Variants in MIR2052HG observed in about 807,000 individuals in gnomAD.
MIR2052HG encodes MIR2052 host gene.
chr8:74,751,724 G>C (rs1383680963), intron 4 of MIR2052HG, among the ~76,000 whole-genome samples: 2 of 152,192 alleles, frequency 1.3e-5, no homozygotes, highest in South Asian at 4.1e-4. Flanking sequence ...AAAATGAACT[G>C]TAAGAACTTG....
chr8:74,602,855 TTCTTTCTTTC>T (rs1808034570), intron 1 of MIR2052HG, among the ~76,000 whole-genome samples: 1 of 144,818 alleles, frequency 6.9e-6, no homozygotes, highest in African/African-American at 2.6e-5. Flanking sequence ...CTTTCTTTCT[TTCTTTCTTTC>T]TTTCTTTCTT....
At chr8:74,752,491 C>T (rs1467657631) in exon 5 of MIR2052HG, 1 of 456,112 alleles carries the variant, frequency 2.2e-6, no homozygotes, top group Admixed American at 2.3e-5. Flanking sequence ...AACTCATTAA[C>T]TTTGGAGAGG....
chr8:74,733,049 CATTT>C (rs71565409), intron 4 of MIR2052HG, among the ~76,000 whole-genome samples: 15,558 of 148,868 alleles, frequency 0.1, 1,754 homozygotes, highest in African/African-American at 0.29. Context: ...AATTAGGAGA[CATTT>C]ATTTATTTAT....
At chr8:74,633,625 G>A (rs1249276213) in intron 2 of MIR2052HG, among the ~76,000 whole-genome samples, 1 of 152,142 alleles carries the variant, frequency 6.6e-6, no homozygotes, top group African/African-American at 2.4e-5. Flanking sequence ...CGTTTCCTAG[G>A]CTCAATGTAC....
At chr8:74,734,793 G>A (rs1188801801) in intron 4 of MIR2052HG, among the ~76,000 whole-genome samples, 4 of 152,228 alleles carry the variant, frequency 2.6e-5, no homozygotes, top group African/African-American at 9.6e-5. Context: ...AAGGATGCCA[G>A]ATGACTGATT....
exon 4 of MIR2052HG, chr8:74,703,680 G>A (rs1247416067): frequency 2.2e-6 from 1 of 451,368 alleles, no homozygotes; most frequent in South Asian, 1.6e-5. Flanking sequence ...TTTTTCATCA[G>A]GGGTGAGTAG....
chr8:74,628,335 A>C (rs1808463564), intron 2 of MIR2052HG, among the ~76,000 whole-genome samples: 1 of 152,158 alleles, frequency 6.6e-6, no homozygotes, highest in African/African-American at 2.4e-5. Context: ...AAACATAACT[A>C]CCTCGAGAAA....
intron 4 of MIR2052HG, among the ~76,000 whole-genome samples, chr8:74,707,728 T>C (rs1311154005): frequency 6.6e-6 from 1 of 152,108 alleles, no homozygotes; most frequent in Admixed American, 6.6e-5. Context: ...AGTTAAACTG[T>C]TGAGTGGACA....
intron 4 of MIR2052HG, among the ~76,000 whole-genome samples, chr8:74,715,516 T>A (rs1199024960): frequency 1.3e-5 from 2 of 152,206 alleles, no homozygotes; most frequent in East Asian, 3.8e-4. Flanking sequence ...ACTAGAAAAA[T>A]CCCATTCTGT....
chr8:74,650,888 A>G (rs1219656378), intron 2 of MIR2052HG, among the ~76,000 whole-genome samples: 1 of 152,182 alleles, frequency 6.6e-6, no homozygotes, highest in Non-Finnish European at 1.5e-5. Context: ...ATTGAACTGA[A>G]ATATTTTTCT....
chr8:74,733,416 A>AT (rs1399076614), intron 4 of MIR2052HG, among the ~76,000 whole-genome samples: 1 of 152,032 alleles, frequency 6.6e-6, no homozygotes, highest in Non-Finnish European at 1.5e-5. Flanking sequence ...TAAATTCATC[A>AT]TTTTTTATGG....
At chr8:74,637,003 CATAAT>C (rs1808588769) in intron 2 of MIR2052HG, among the ~76,000 whole-genome samples, 1 of 152,012 alleles carries the variant, frequency 6.6e-6, no homozygotes, top group Non-Finnish European at 1.5e-5. Context: ...ATAAAGAACT[CATAAT>C]ATAATGGGGT....
At chr8:74,660,200 C>T (rs1808846500) in intron 2 of MIR2052HG, among the ~76,000 whole-genome samples, 1 of 152,176 alleles carries the variant, frequency 6.6e-6, no homozygotes, top group Non-Finnish European at 1.5e-5. Flanking sequence ...CCTCACTTTG[C>T]TGATTACTGA....
intron 4 of MIR2052HG, among the ~76,000 whole-genome samples, chr8:74,738,301 T>G (rs1474286901): frequency 6.6e-6 from 1 of 152,188 alleles, no homozygotes; most frequent in Non-Finnish European, 1.5e-5. Context: ...TCAATCTCAG[T>G]GTGCATGATA....
intron 2 of MIR2052HG, among the ~76,000 whole-genome samples, chr8:74,694,212 C>T (rs1809272207): frequency 1.3e-5 from 2 of 152,196 alleles, no homozygotes; most frequent in Non-Finnish European, 2.9e-5. Context: ...CCAGTACCAG[C>T]CGAGAGCCTG....
At chr8:74,648,505 C>A (rs1476206647) in intron 2 of MIR2052HG, among the ~76,000 whole-genome samples, 1 of 152,140 alleles carries the variant, frequency 6.6e-6, no homozygotes, top group Non-Finnish European at 1.5e-5. Flanking sequence ...AGCATGTGAT[C>A]TTTGTGACTT....
At chr8:74,662,551 A>G (rs959437674) in intron 2 of MIR2052HG, among the ~76,000 whole-genome samples, 15 of 152,138 alleles carry the variant, frequency 9.9e-5, no homozygotes, top group Non-Finnish European at 4.4e-5. Context: ...AAACCTGCAC[A>G]TTCTGCATAT....
chr8:74,700,811 A>G (rs1809350275), intron 2 of MIR2052HG, among the ~76,000 whole-genome samples: 1 of 152,120 alleles, frequency 6.6e-6, no homozygotes, highest in Admixed American at 6.6e-5. Context: ...CTCTCTAGGT[A>G]TATGTTCTAT....
intron 1 of MIR2052HG, among the ~76,000 whole-genome samples, chr8:74,600,972 A>G (rs1285612868): frequency 2.0e-5 from 3 of 152,178 alleles, no homozygotes; most frequent in East Asian, 1.9e-4. Context: ...TCTTTCCACA[A>G]TATTCTTTGC....
Sources: gnomAD v4.1 joint callset for allele counts (sites outside exome capture counted in the v4.1 genomes callset) on GRCh38, gnomAD v4.1.1 for gene constraint, MANE v1.5 for transcripts, NCBI Gene and HGNC (gene_info 2026-07-23, HGNC 2026-07-21) for gene names.